Variants in GLMN observed in about 807,000 individuals in gnomAD.
The protein encoded by GLMN is glomulin, FKBP associated protein.
Under a neutral mutation model 87.8 loss-of-function variants are expected in GLMN, and 75 were observed. That is an observed-to-expected ratio of 0.85 (90% CI 0.71 to 1.04). GLMN has a LOEUF of 1.04. GLMN is among the 50% of genes least tolerant of loss of function. The probability of loss-of-function intolerance (pLI) is 0.00; values close to 1 mark genes in which losing one functional copy is unlikely to be tolerated. For missense variants in GLMN, 588 were observed against 658.8 expected (o/e 0.89, Z 1.18); for synonymous variants, 206 against 221.6 (o/e 0.93, Z 0.63).
intron 1 of GLMN, 134 bp from the exon 2 acceptor site, chr1:92,298,163 C>T: frequency 1.7e-6 from 1 of 590,842 alleles, no homozygotes; most frequent in Non-Finnish European, 3.1e-6. Flanking sequence ...GTTTTTTGGT[C>T]CAATAGCATG....
the GLMN span, among the ~76,000 whole-genome samples, chr1:92,362,788 T>A: frequency 2.0e-5 from 3 of 152,290 alleles, no homozygotes; most frequent in South Asian, 6.2e-4. Context: ...TACAGGTTTT[T>A]CATTGCAATG....
chr1:92,259,732 C>CTTTTTTTTTTTTTTTT (rs58390058), intron 16 of GLMN, among the ~76,000 whole-genome samples: 3 of 108,192 alleles, frequency 2.8e-5, no homozygotes, highest in East Asian at 2.9e-4. Flanking sequence ...TTTTTTCTTT[C>CTTTTTTTTTTTTTTTT]TTTTTTTTTT....
chr1:92,287,068 G>T (rs1281081035), intron 6 of GLMN, among the ~76,000 whole-genome samples: 1 of 152,202 alleles, frequency 6.6e-6, no homozygotes, highest in Admixed American at 6.5e-5. Context: ...GTTCGTACTA[G>T]TAATGGGGAG....
In GLMN at chr1:92,247,771, G is replaced by A. The variant is rs531672874; in HGVS notation, c.1585+107C>T. 3 of 675,710 alleles carry A rather than the reference G, an allele frequency of 4.4e-6. No individual in the cohort carries two copies. The East Asian group carries it at 8.0e-5, about 18-fold the overall frequency. The allele number at this position is 675,710 out of a possible 1,614,324, so 41.9% of individuals were successfully genotyped here. A position where few individuals can be genotyped will look rare whatever the true frequency, so the allele number is the denominator to read the frequency against. ...TAAATAAAATGGCTTAGCTGTTATG[G>A]TCTCTAAAGTACAAGATTTTTAAAA... On this transcript the variant is annotated intron_variant, in intron 17 of 18. Coordinates refer to ENST00000370360, the MANE Select transcript of GLMN (RefSeq NM_053274.3).
At chr1:92,263,520 T>TA (rs1655271175) in intron 15 of GLMN, 103 bp downstream of exon 15, 1 of 768,846 alleles carries the variant, frequency 1.3e-6, no homozygotes, top group Non-Finnish European at 2.4e-6. Context: ...CCATAGATCA[T>TA]AAAATCACAG....
At chr1:92,290,883 G>T (rs1297653460) in intron 4 of GLMN, among the ~76,000 whole-genome samples, 1 of 152,122 alleles carries the variant, frequency 6.6e-6, no homozygotes, top group African/African-American at 2.4e-5. Flanking sequence ...ATCAAATATT[G>T]ACTGTAAACT....
the GLMN span, among the ~76,000 whole-genome samples, chr1:92,341,200 G>A: frequency 6.6e-6 from 1 of 151,958 alleles, no homozygotes; most frequent in Non-Finnish European, 1.5e-5. Flanking sequence ...GTAGAGACGA[G>A]GTTTCACCAT....
the GLMN span, among the ~76,000 whole-genome samples, chr1:92,338,987 G>A: frequency 2.0e-5 from 3 of 152,076 alleles, no homozygotes; most frequent in Non-Finnish European, 1.5e-5. Context: ...TGAGCAAACC[G>A]ATAAAGTTAT....
At chr1:92,305,607 A>G in the GLMN span, among the ~76,000 whole-genome samples, 1 of 151,956 alleles carries the variant, frequency 6.6e-6, no homozygotes, top group South Asian at 2.1e-4. Flanking sequence ...AAGAGAAGCC[A>G]CAAAGCAGAA....
chr1:92,298,680 C>G (rs1650473060), intron 1 of GLMN, among the ~76,000 whole-genome samples: 1 of 152,158 alleles, frequency 6.6e-6, no homozygotes, highest in Non-Finnish European at 1.5e-5. Flanking sequence ...CAAGGCTCGG[C>G]CCCAAGCCCT....
intron 16 of GLMN, among the ~76,000 whole-genome samples, chr1:92,249,480 CCT>C (rs1158414834): frequency 6.6e-6 from 1 of 151,796 alleles, no homozygotes; most frequent in African/African-American, 2.4e-5. Context: ...CCTATTTTTA[CCT>C]CTCTCTATCC....
At chr1:92,249,853 CAT>C (rs1342401982) in intron 16 of GLMN, among the ~76,000 whole-genome samples, 8 of 152,138 alleles carry the variant, frequency 5.3e-5, no homozygotes, top group East Asian at 1.9e-4. Flanking sequence ...TTAGCTCACA[CAT>C]GTGAGAATAT....
At chr1:92,366,481 T>C in the GLMN span, among the ~76,000 whole-genome samples, 5 of 152,262 alleles carry the variant, frequency 3.3e-5, no homozygotes, top group African/African-American at 1.2e-4. Context: ...AAACAAAAAC[T>C]CTTCAACAGG....
the GLMN span, among the ~76,000 whole-genome samples, chr1:92,306,202 G>A: frequency 1.3e-5 from 2 of 152,276 alleles, no homozygotes; most frequent in East Asian, 3.9e-4. Context: ...AAAGTAGAAT[G>A]ATCATCAAGA....
upstream of GLMN, among the ~76,000 whole-genome samples, chr1:92,300,715 A>G (rs1650779568): frequency 6.6e-6 from 1 of 152,216 alleles, no homozygotes; most frequent in Admixed American, 6.5e-5. Flanking sequence ...GATTAAAAGC[A>G]TATGTAGCTA....
At chr1:92,310,495 G>A in the GLMN span, among the ~76,000 whole-genome samples, 1 of 152,028 alleles carries the variant, frequency 6.6e-6, no homozygotes, top group Non-Finnish European at 1.5e-5. Flanking sequence ...TTTAAATGGT[G>A]GCATGTAGTA....
chr1:92,247,199 AG>A (rs1652804837), intron 17 of GLMN, 55 bp from the exon 18 acceptor site: 1 of 855,008 alleles, frequency 1.2e-6, no homozygotes, highest in Non-Finnish European at 2.0e-6. Flanking sequence ...TCAATAACAA[AG>A]GTATAAGCTA....
chr1:92,351,767 T>C, the GLMN span, among the ~76,000 whole-genome samples: 6 of 152,184 alleles, frequency 3.9e-5, no homozygotes, highest in Admixed American at 3.9e-4. Flanking sequence ...CCCGAGTTCC[T>C]TTATGTGCAG....
chr1:92,343,825 G>A, the GLMN span, among the ~76,000 whole-genome samples: 3 of 152,152 alleles, frequency 2.0e-5, no homozygotes, highest in African/African-American at 7.2e-5. Flanking sequence ...GGTTTGGGAG[G>A]TAGAGGGCAA....
Sources: allele counts gnomAD v4.1 joint callset (sites outside exome capture counted in the v4.1 genomes callset), GRCh38; gene constraint gnomAD v4.1.1; transcripts MANE v1.5; gene names NCBI Gene and HGNC (gene_info 2026-07-23, HGNC 2026-07-21).